The following LARGE1 variants were observed in gnomAD, a reference collection of about 807,000 sequenced individuals.
The protein encoded by LARGE1 is xylosyl- and glucuronyltransferase LARGE1.
A neutral mutation model predicts 87.6 loss-of-function variants in LARGE1; 43 were observed. The observed-to-expected ratio is 0.49, with a 90% confidence interval of 0.38 to 0.63. LARGE1 has a LOEUF of 0.63. Among genes scored for constraint, LARGE1 ranks in the 30% least tolerant of loss-of-function variants. The probability of loss-of-function intolerance (pLI) is 0.00; values close to 1 mark genes in which losing one functional copy is unlikely to be tolerated. For missense variants in LARGE1, 802 were observed against 1,000.2 expected (o/e 0.80, Z 2.67); for synonymous variants, 434 against 394.6 (o/e 1.10, Z -1.18).
intron 1 of LARGE1, among the ~76,000 whole-genome samples, chr22:33,877,908 C>T (rs902421666): frequency 1.7e-4 from 26 of 151,330 alleles, no homozygotes; most frequent in African/African-American, 3.2e-4. Flanking sequence ...AGCAACAGAG[C>T]GAGACTCTGT....
intron 2 of LARGE1, among the ~76,000 whole-genome samples, chr22:33,679,087 T>G (rs537199631): frequency 6.6e-6 from 1 of 152,376 alleles, no homozygotes; most frequent in African/African-American, 2.4e-5. Flanking sequence ...GTTTAATATC[T>G]ATCTCTGCCA....
chr22:33,600,788 C>G (rs1238512461), intron 5 of LARGE1, among the ~76,000 whole-genome samples: 3 of 152,064 alleles, frequency 2.0e-5, no homozygotes, highest in African/African-American at 7.2e-5. Context: ...GGCTCATGCC[C>G]GTAATCCCAG....
Position 33,389,935 on chromosome 22 carries a change from C to T in LARGE1, c.893-5631G>A, listed in dbSNP as rs556478801. Among the ~76,000 whole-genome samples the T allele has an allele frequency of 5.3e-4, 81 of 152,230 alleles. 1 individual carries two copies. Among genetic ancestry groups the T allele is most frequent in the African/African-American group, 1.9e-3 (81 of 41,544 alleles). On this transcript the variant is annotated intron_variant, in intron 7 of 14. Transcript: ENST00000397394. ...TAAAATGTTGCTGTCATTTATCCTG[C>T]CATTTCACAAGATCAAAGGCCTCCA... is the stretch of plus-strand genomic sequence containing the variant.
At chr22:33,912,287 T>C (rs994113108) in intron 1 of LARGE1, among the ~76,000 whole-genome samples, 1 of 152,148 alleles carries the variant, frequency 6.6e-6, no homozygotes, top group South Asian at 2.1e-4. Context: ...ATGCATTTAA[T>C]GTATCCAAGG....
the LARGE1 span, among the ~76,000 whole-genome samples, chr22:33,069,881 G>A: frequency 1.3e-5 from 2 of 148,348 alleles, no homozygotes; most frequent in South Asian, 2.1e-4. Context: ...GCAATGGCGC[G>A]TTCTTGGCTC....
chr22:33,789,917 T>A (rs573953617), intron 1 of LARGE1, among the ~76,000 whole-genome samples: 1 of 152,190 alleles, frequency 6.6e-6, no homozygotes, highest in African/African-American at 2.4e-5. Context: ...GACTGTGGAC[T>A]TTTGAGTTAA....
chr22:33,264,633 C>T (rs894757382), intron 11 of LARGE1, among the ~76,000 whole-genome samples: 15 of 152,154 alleles, frequency 9.9e-5, no homozygotes, highest in South Asian at 2.1e-4. Context: ...CACTCCAGCC[C>T]GAGCGACAGA....
chr22:33,186,740 A>G (rs907589795), intron 11 of LARGE1, among the ~76,000 whole-genome samples: 2 of 152,186 alleles, frequency 1.3e-5, no homozygotes, highest in Non-Finnish European at 2.9e-5. Flanking sequence ...AAAACAAAGT[A>G]AAGTAAAAAT....
At chr22:33,651,208 G>A (rs1238996555) in intron 2 of LARGE1, among the ~76,000 whole-genome samples, 4 of 48,928 alleles carry the variant, frequency 8.2e-5, no homozygotes, top group Non-Finnish European at 4.4e-5. Context: ...GGTGAAACCC[G>A]GTCTCTACTA....
intron 1 of LARGE1, among the ~76,000 whole-genome samples, chr22:33,801,235 C>T (rs1325445324): frequency 2.6e-5 from 4 of 152,176 alleles, no homozygotes; most frequent in African/African-American, 9.7e-5. Context: ...TTCCCAGTCT[C>T]AGGTATGTCT....
At chr22:33,079,769 G>C in the LARGE1 span, among the ~76,000 whole-genome samples, 6 of 152,112 alleles carry the variant, frequency 3.9e-5, no homozygotes, top group Admixed American at 6.5e-5. Context: ...AAGTAGTGCT[G>C]CTTGGAACTT....
intron 11 of LARGE1, among the ~76,000 whole-genome samples, chr22:33,253,214 G>A (rs1927091518): frequency 6.6e-6 from 1 of 152,168 alleles, no homozygotes; most frequent in Non-Finnish European, 1.5e-5. Flanking sequence ...TAGGGTTGTT[G>A]TGACAATTAA....
At chr22:33,608,443 T>C (rs1264172068) in intron 4 of LARGE1, among the ~76,000 whole-genome samples, 1 of 152,176 alleles carries the variant, frequency 6.6e-6, no homozygotes, top group Admixed American at 6.5e-5. Flanking sequence ...CTTCCTCGTG[T>C]CTTTCTTCTG....
At chr22:33,773,352 T>C (rs891513663) in intron 1 of LARGE1, among the ~76,000 whole-genome samples, 1 of 152,242 alleles carries the variant, frequency 6.6e-6, no homozygotes, top group African/African-American at 2.4e-5. Flanking sequence ...TTCACTATGT[T>C]GAAAGGACCA....
chr22:33,084,495 GA>G, the LARGE1 span, among the ~76,000 whole-genome samples: 225 of 135,670 alleles, frequency 1.7e-3, no homozygotes, highest in South Asian at 4.0e-3. Flanking sequence ...CTTGTCTCTC[GA>G]AAAAAAAAAA....
At chr22:33,514,308 T>C (rs1015971806) in intron 6 of LARGE1, among the ~76,000 whole-genome samples, 1 of 143,224 alleles carries the variant, frequency 7.0e-6, no homozygotes, top group Non-Finnish European at 1.5e-5. Flanking sequence ...ACACACACGA[T>C]GATGCACAGT....
chr22:33,196,496 T>C (rs1924089616), intron 11 of LARGE1, among the ~76,000 whole-genome samples: 1 of 152,094 alleles, frequency 6.6e-6, no homozygotes, highest in South Asian at 2.1e-4. Flanking sequence ...AAATAAAATT[T>C]GTAATTAAAA....
At chr22:33,644,230 A>G (rs905238736) in intron 3 of LARGE1, among the ~76,000 whole-genome samples, 2 of 152,254 alleles carry the variant, frequency 1.3e-5, no homozygotes, top group African/African-American at 4.8e-5. Context: ...AGTTGGATTC[A>G]TCCCTGGGAT....
In LARGE1 at chr22:33,386,308, G is replaced by A. The variant is rs562564489; in HGVS notation, c.893-2004C>T. 1.5e-4 allele frequency among the ~76,000 whole-genome samples: 22 copies of A among 149,124 alleles called. 2 individuals carry two copies. Among genetic ancestry groups the A allele is most frequent in the Admixed American group, 2.7e-4 (4 of 15,008 alleles). ...ATGTCAGATTCAAACTCAGATCTGCGTGATTCCAAGGCCAGTGCTTCTTCC... is the reference window on the plus strand; with the variant it reads ...ATGTCAGATTCAAACTCAGATCTGCATGATTCCAAGGCCAGTGCTTCTTCC... On this transcript the variant is annotated intron_variant, in intron 7 of 14. Transcript: ENST00000397394.
Sources: gnomAD v4.1 joint callset for allele counts (sites outside exome capture counted in the v4.1 genomes callset) on GRCh38, gnomAD v4.1.1 for gene constraint, MANE v1.5 for transcripts, NCBI Gene and HGNC (gene_info 2026-07-23, HGNC 2026-07-21) for gene names.